Variants in GPATCH2 observed in about 807,000 individuals in gnomAD.
GPATCH2 encodes G patch domain-containing protein 2.
GPATCH2 carries 51 observed loss-of-function variants against 58.0 expected under a neutral mutation model. That is an observed-to-expected ratio of 0.88 (90% confidence interval 0.70 to 1.11). GPATCH2 has a LOEUF of 1.11. Among genes scored for constraint, GPATCH2 ranks in the 50% most tolerant of loss-of-function variants. The pLI is 0.00. For missense variants in GPATCH2, 625 were observed against 652.2 expected (o/e 0.96, Z 0.45); for synonymous variants, 222 against 218.5 (o/e 1.02, Z -0.14).
At chr1:217,516,491 T>C (rs968134586) in intron 5 of GPATCH2, among the ~76,000 whole-genome samples, 1 of 152,200 alleles carries the variant, frequency 6.6e-6, no homozygotes, top group Non-Finnish European at 1.5e-5. Context: ...ACTCCAGGAC[T>C]GCATCCTGCA....
At chr1:217,446,191 T>A (rs1659380204) in intron 9 of GPATCH2, among the ~76,000 whole-genome samples, 1 of 152,152 alleles carries the variant, frequency 6.6e-6, no homozygotes, top group Non-Finnish European at 1.5e-5. Context: ...ATTTTTCTTG[T>A]TTAGAGTTAA....
intron 5 of GPATCH2, among the ~76,000 whole-genome samples, chr1:217,585,584 C>T (rs999203949): frequency 6.6e-6 from 1 of 152,174 alleles, no homozygotes; most frequent in Non-Finnish European, 1.5e-5. Flanking sequence ...CACGCCACTG[C>T]ACTCCAGCCT....
At chr1:217,603,595 C>CT (rs1668211643) in intron 5 of GPATCH2, among the ~76,000 whole-genome samples, 1 of 151,878 alleles carries the variant, frequency 6.6e-6, no homozygotes, top group African/African-American at 2.4e-5. Flanking sequence ...TAAATGACAT[C>CT]AAAATAGAGA....
At position 217,429,449 on chromosome 1, in the gene GPATCH2, C is replaced by T. The variant is rs1334051059; in HGVS notation, c.*1696G>A. Reference sequence around the variant, plus strand: ...GCTTTCAAATAGCAGGTTGGACTTCCCCTCCCTAGTTGGCAGGATTTTTTT... The same window carrying T: ...GCTTTCAAATAGCAGGTTGGACTTCTCCTCCCTAGTTGGCAGGATTTTTTT... On this transcript the variant is annotated 3_prime_UTR_variant, in exon 10 of 10. Coordinates refer to ENST00000366935, the MANE Select transcript of GPATCH2 (RefSeq NM_018040.5). 1.3e-5 allele frequency: 2 copies of T among 152,112 alleles called. No homozygotes were observed. Among genetic ancestry groups the T allele is most frequent in the African/African-American group, 2.4e-5 (1 of 41,420 alleles). The allele number at this position is 152,112 out of a possible 1,614,324, so 9.4% of individuals were successfully genotyped here. A position where few individuals can be genotyped will look rare whatever the true frequency, so the allele number is the denominator to read the frequency against.
At chr1:217,616,449 T>C (rs934850859) in intron 2 of GPATCH2, among the ~76,000 whole-genome samples, 3 of 152,178 alleles carry the variant, frequency 2.0e-5, no homozygotes, top group Non-Finnish European at 2.9e-5. Flanking sequence ...CCTCTCCACC[T>C]GTCCAAGCTC....
intron 5 of GPATCH2, among the ~76,000 whole-genome samples, chr1:217,605,598 AT>A (rs1165570546): frequency 2.0e-5 from 3 of 152,172 alleles, no homozygotes; most frequent in Non-Finnish European, 4.4e-5. Context: ...TGAGTCATTT[AT>A]TTCCTGATCT....
intron 8 of GPATCH2, among the ~76,000 whole-genome samples, chr1:217,478,473 GTT>G (rs894099303): frequency 6.6e-6 from 1 of 152,134 alleles, no homozygotes; most frequent in African/African-American, 2.4e-5. Context: ...AAATTCTGGA[GTT>G]TAAAAATGCA....
At chr1:217,539,338 G>T (rs1479672061) in intron 5 of GPATCH2, among the ~76,000 whole-genome samples, 1 of 152,176 alleles carries the variant, frequency 6.6e-6, no homozygotes, top group Non-Finnish European at 1.5e-5. Flanking sequence ...GATTAAACCA[G>T]TATATATTTG....
At chr1:217,466,902 G>A (rs1163582085) in intron 8 of GPATCH2, among the ~76,000 whole-genome samples, 3 of 152,208 alleles carry the variant, frequency 2.0e-5, no homozygotes, top group Admixed American at 6.5e-5. Context: ...GCTGGGCGCG[G>A]TGGCTCACGC....
intron 5 of GPATCH2, among the ~76,000 whole-genome samples, chr1:217,603,593 A>ATTTTGATAAATG (rs1668211126): frequency 6.6e-6 from 1 of 152,098 alleles, no homozygotes; most frequent in African/African-American, 2.4e-5. Context: ...TGTAAATGAC[A>ATTTTGATAAATG]TCAAAATAGA....
At chr1:217,437,925 G>A (rs1278794702) in intron 9 of GPATCH2, among the ~76,000 whole-genome samples, 1 of 152,162 alleles carries the variant, frequency 6.6e-6, no homozygotes, top group African/African-American at 2.4e-5. Context: ...CCTGACCCCC[G>A]TGCTTCCTGA....
chr1:217,441,900 C>A (rs1365606309), intron 9 of GPATCH2, among the ~76,000 whole-genome samples: 1 of 152,012 alleles, frequency 6.6e-6, no homozygotes, highest in Non-Finnish European at 1.5e-5. Flanking sequence ...GGTGGGAGTG[C>A]AAATTAGTTC....
In GPATCH2 at chr1:217,498,410, A is replaced by G; in HGVS notation, c.1167-15T>C. On this transcript the variant is annotated splice_polypyrimidine_tract_variant and intron_variant, in intron 6 of 9. Transcript: ENST00000366935. ...TAAACCAATGGCTGCAGAGGAAAGA[A>G]AAAGGCAGTTAGAGGGAACCTAACT... The G allele has an allele frequency of 5.0e-6, 8 of 1,610,492 alleles. No individual in the cohort carries two copies. The highest frequency in any genetic ancestry group is 6.8e-6 in the Non-Finnish European group (8 of 1,176,710).
At chr1:217,519,895 T>C (rs1049730217) in intron 5 of GPATCH2, among the ~76,000 whole-genome samples, 5 of 152,240 alleles carry the variant, frequency 3.3e-5, no homozygotes, top group African/African-American at 1.2e-4. Flanking sequence ...TGATTTTAGT[T>C]ATATTGTTCA....
intron 8 of GPATCH2, among the ~76,000 whole-genome samples, chr1:217,479,031 C>A (rs1186272266): frequency 6.6e-6 from 1 of 151,792 alleles, no homozygotes. Flanking sequence ...TTTATCTGGT[C>A]AAAATATCCT....
At chr1:217,539,834 A>G (rs1664647860) in intron 5 of GPATCH2, among the ~76,000 whole-genome samples, 1 of 152,224 alleles carries the variant, frequency 6.6e-6, no homozygotes, top group Non-Finnish European at 1.5e-5. Flanking sequence ...CAATGGCAAT[A>G]GATAACCCTG....
Position 217,431,285 on chromosome 1 carries a change from C to T in GPATCH2, c.1447G>A (p.Gly483Arg). The T allele has an allele frequency of 1.9e-6, 3 of 1,608,094 alleles. No homozygotes were observed. Among genetic ancestry groups the T allele is most frequent in the Non-Finnish European group, 2.6e-6 (3 of 1,174,470 alleles). The change falls in exon 10 of 10, where the codon GGG (glycine) becomes AGG (arginine). Residue 483 changes from glycine (G) to arginine (R), a missense_variant. By Grantham distance (125) the Gly-to-Arg change is moderately radical (BLOSUM62 -2). Coordinates refer to ENST00000366935, the MANE Select transcript of GPATCH2 (RefSeq NM_018040.5). ...RMLQNMGWTPGSGLGRDGKGI... is the reference protein window; with the variant it reads ...RMLQNMGWTPRSGLGRDGKGI... ...TTGCCATCTCGTCCAAGGCCTGACC[C>T]AGGCGTCCAGCCCATATTCTGAAGC... is the stretch of plus-strand genomic sequence containing the variant.
At position 217,630,079 on chromosome 1, in the gene GPATCH2, T is replaced by C. The variant is rs562863714; in HGVS notation, c.56+837A>G. Among the ~76,000 whole-genome samples the C allele has an allele frequency of 3.3e-5, 5 of 152,304 alleles. No individual in the cohort carries two copies. In the East Asian group the frequency reaches 7.7e-4, roughly 23 times the overall value. ...GGAAATTGCTTGTTTGTGTCACTGG[T>C]TGTCTTATGTTATGTTTGGAGGAAA... On this transcript the variant is annotated intron_variant, in intron 1 of 9. Coordinates refer to ENST00000366935, the MANE Select transcript of GPATCH2 (RefSeq NM_018040.5).
chr1:217,473,939 A>C (rs1335008897), intron 8 of GPATCH2, among the ~76,000 whole-genome samples: 2 of 152,228 alleles, frequency 1.3e-5, no homozygotes, highest in African/African-American at 4.8e-5. Context: ...CACTTGAATC[A>C]ATTAGAAAAA....
Sources: gnomAD v4.1 joint callset for allele counts (sites outside exome capture counted in the v4.1 genomes callset) on GRCh38, gnomAD v4.1.1 for gene constraint, MANE v1.5 for transcripts, NCBI Gene and HGNC (gene_info 2026-07-23, HGNC 2026-07-21) for gene names.